The following CLCNKB variants were observed in gnomAD, a reference collection of about 807,000 sequenced individuals.
CLCNKB encodes the protein chloride channel protein ClC-Kb.
A neutral mutation model predicts 83.8 loss-of-function variants in CLCNKB; 74 were observed. That is an observed-to-expected ratio of 0.88 (90% confidence interval 0.73 to 1.07). CLCNKB has a LOEUF of 1.07. Ranked by LOEUF, CLCNKB falls within the 50% of genes least tolerant of loss-of-function variation. The pLI, the probability that CLCNKB is intolerant of heterozygous loss-of-function variation, is 0.00. For missense variants in CLCNKB, 798 were observed against 893.6 expected, an observed-to-expected ratio of 0.89 and a Z score of 1.36; for synonymous variants, 358 against 356.6, an observed-to-expected ratio of 1.00 and a Z score of -0.04.
At chr1:16,056,728 A>T (rs1211539817) in intron 19 of CLCNKB, 141 bp from the exon 20 acceptor site, 3 of 937,060 alleles carry the variant, frequency 3.2e-6, no homozygotes, top group African/African-American at 1.6e-5. Context: ...TCTCGGCCTC[A>T]GTGATCCCAT....
In CLCNKB at chr1:16,057,121, C is replaced by A; in HGVS notation, c.*205C>A. 1 of 684,414 alleles carries A rather than the reference C, an allele frequency of 1.5e-6. No individual in the cohort carries two copies. The highest frequency in any genetic ancestry group is 2.8e-5 in the East Asian group (1 of 35,908). The allele number at this position is 684,414 out of a possible 1,614,324, so 42.4% of individuals were successfully genotyped here. ...GGCTCCTGCCTTGAAAGACAAAAATCCCACCTTGGGCAGAGCTGAGTGTGA... is the reference window on the plus strand; with the variant it reads ...GGCTCCTGCCTTGAAAGACAAAAATACCACCTTGGGCAGAGCTGAGTGTGA... On this transcript the variant is annotated 3_prime_UTR_variant, in exon 20 of 20. Transcript: ENST00000375679.
At chr1:16,051,581 G>T (rs762903586) in intron 13 of CLCNKB, 34 bp downstream of exon 13, 1 of 1,612,756 alleles carries the variant, frequency 6.2e-7, no homozygotes, top group Non-Finnish European at 8.5e-7. Context: ...TGAGAGTTTC[G>T]GGGTTCTTGG....
At chr1:16,048,252 G>A (rs2023162583) in intron 5 of CLCNKB, 91 bp from the exon 6 acceptor site, 1 of 1,538,256 alleles carries the variant, frequency 6.5e-7, no homozygotes. Context: ...GGAGATGGAG[G>A]AGGGGGTGTT....
chr1:16,054,610 A>G (rs1279116291), intron 16 of CLCNKB, among the ~76,000 whole-genome samples: 1 of 152,146 alleles, frequency 6.6e-6, no homozygotes, highest in South Asian at 2.1e-4. Flanking sequence ...TCTTTCCCCC[A>G]CTAACTGGAA....
Position 16,045,650 on chromosome 1 carries a change from T to A in CLCNKB, c.193T>A (p.Cys65Ser). 6.2e-7 allele frequency: 1 copy of A among 1,614,024 alleles called. No homozygotes were observed. Among genetic ancestry groups the A allele is most frequent in the Non-Finnish European group, 8.5e-7 (1 of 1,179,906 alleles). The change falls in exon 3 of 20, where the codon TGT becomes AGT. Residue 65 changes from cysteine (C) to serine (S), a missense_variant. Transcript: ENST00000375679. ...CGGGGTGCTCATGGCCCTGGTCAGC[T>A]GTGCCATGGACTTGGCTGTTGAGAG... is the stretch of plus-strand genomic sequence containing the variant. ...TLGVLMALVS[C>S]AMDLAVESVV...
chr1:16,045,780 G>T (rs1052262819), intron 3 of CLCNKB, 94 bp downstream of exon 3: 91 of 1,175,622 alleles, frequency 7.7e-5, no homozygotes, highest in Admixed American at 5.6e-4. Context: ...AGCGGAGGTT[G>T]GGGGGGGTGC....
At chr1:16,053,147 A>G (rs1384642768) in intron 15 of CLCNKB, among the ~76,000 whole-genome samples, 1 of 151,928 alleles carries the variant, frequency 6.6e-6, no homozygotes, top group Non-Finnish European at 1.5e-5. Context: ...CTTCTGCCTC[A>G]GCCTCCCAAG....
At chr1:16,045,775 A>C in intron 3 of CLCNKB, 89 bp downstream of exon 3, 2 of 471,800 alleles carry the variant, frequency 4.2e-6, no homozygotes, top group Non-Finnish European at 7.8e-6. Context: ...GGTGCAGCGG[A>C]GGTTGGGGGG....
At position 16,056,853 on chromosome 1, in the gene CLCNKB, C is replaced by A. The variant is rs61769892; in HGVS notation, c.2017-16C>A. ...TCTACATCCCCCCGCACCTCCACCC[C>A]CTTTCTCTGTTCTAGATGAAGAAAG... On this transcript the variant is annotated splice_polypyrimidine_tract_variant and intron_variant, in intron 19 of 19. Transcript: ENST00000375679. The A allele has an allele frequency of 4.9e-6, 7 of 1,440,300 alleles. No homozygotes were observed. Among genetic ancestry groups the A allele is most frequent in the South Asian group, 2.4e-5 (2 of 84,714 alleles). 89.2% of individuals were successfully genotyped at this position (1,440,300 alleles called of 1,614,324 possible).
At chr1:16,053,065 C>T (rs1192924085) in intron 15 of CLCNKB, among the ~76,000 whole-genome samples, 2 of 151,180 alleles carry the variant, frequency 1.3e-5, no homozygotes. Flanking sequence ...GAATCTCACT[C>T]TGTTTCACAG....
In CLCNKB at chr1:16,044,607, C is replaced by G. The variant is rs1469662505; in HGVS notation, c.100+15C>G. 1 of 1,580,272 alleles carries G rather than the reference C, an allele frequency of 6.3e-7. No homozygotes were observed. The highest frequency in any genetic ancestry group is 1.8e-5 in the Admixed American group (1 of 54,420). ...AGGCATCCGAGGTGAGAGCCAGGTCCTCTTCCCTTCCCCCTGGAGGACCAC... is the reference window on the plus strand; with the variant it reads ...AGGCATCCGAGGTGAGAGCCAGGTCGTCTTCCCTTCCCCCTGGAGGACCAC... On this transcript the variant is annotated intron_variant, in intron 2 of 19. Transcript: ENST00000375679.
rs1173293020 is a variant in CLCNKB, at chr1:16,051,573, A to G, written c.1297+26A>G. ...GTGAGTCTGGGGTCCTGAGGTTCTG[A>G]GAGTTTCGGGGTTCTTGGGGCAGGA... On this transcript the variant is annotated intron_variant, in intron 13 of 19. Coordinates refer to ENST00000375679, the MANE Select transcript of CLCNKB (RefSeq NM_000085.5). The G allele has an allele frequency of 3.3e-5, 54 of 1,613,158 alleles. No individual in the cohort carries two copies. In the Middle Eastern group the frequency reaches 6.6e-4, roughly 20 times the overall value.
chr1:16,050,186 C>T (rs1309087811), intron 10 of CLCNKB, among the ~76,000 whole-genome samples: 2 of 151,338 alleles, frequency 1.3e-5, no homozygotes, highest in Non-Finnish European at 2.9e-5. Context: ...CCTTTAACCC[C>T]CTGTTGGTCC....
chr1:16,045,464 C>A, intron 2 of CLCNKB, 94 bp from the exon 3 acceptor site: 1 of 1,490,412 alleles, frequency 6.7e-7, no homozygotes, highest in East Asian at 2.3e-5. Context: ...CCCCCTGCCC[C>A]AGCCTCTCTG....
chr1:16,053,677 G>A lies in CLCNKB; in HGVS notation c.1661G>A (p.Ser554Asn). The A allele has an allele frequency of 1.2e-6, 2 of 1,613,982 alleles. No homozygotes were observed. Among genetic ancestry groups the A allele is most frequent in the African/African-American group, 1.3e-5 (1 of 75,044 alleles). Residue 554 changes from serine to asparagine, a missense_variant, in exon 16 of 20, where the codon AGC becomes AAC. Transcript: ENST00000375679. ...AGGGTGGAGCACTTCATGAACCACA[G>A]CATCACCACACTGGCCAAGGACATG... ...RVRVEHFMNH[S>N]ITTLAKDMPL...
intron 12 of CLCNKB, 59 bp downstream of exon 12, chr1:16,051,107 G>T: frequency 6.2e-7 from 1 of 1,611,604 alleles, no homozygotes; most frequent in South Asian, 1.1e-5. Flanking sequence ...TGGTGGTGGG[G>T]GGTACCTCAT....
chr1:16,045,784 G>C (rs1298508471), intron 3 of CLCNKB, 98 bp downstream of exon 3: 2 of 1,214,658 alleles, frequency 1.6e-6, no homozygotes, highest in East Asian at 2.8e-5. Flanking sequence ...GAGGTTGGGG[G>C]GGGTGCTCTG....
At chr1:16,054,587 A>G (rs1410287264) in intron 16 of CLCNKB, among the ~76,000 whole-genome samples, 1 of 152,138 alleles carries the variant, frequency 6.6e-6, no homozygotes, top group East Asian at 1.9e-4. Flanking sequence ...TCTCACTCCA[A>G]ATGCTAGGCC....
At chr1:16,049,593 G>T in intron 8 of CLCNKB, 25 bp from the exon 9 acceptor site, 2 of 1,561,066 alleles carry the variant, frequency 1.3e-6, no homozygotes, top group South Asian at 2.3e-5. Flanking sequence ...CGCCATCTTG[G>T]CTCCCCACTG....
Sources: gnomAD v4.1 joint callset for allele counts (sites outside exome capture counted in the v4.1 genomes callset) on GRCh38, gnomAD v4.1.1 for gene constraint, MANE v1.5 for transcripts, NCBI Gene and HGNC (gene_info 2026-07-23, HGNC 2026-07-21) for gene names.